The following TG variants were observed in gnomAD, a reference collection of about 807,000 sequenced individuals.
The protein encoded by TG is thyroid hormones.
Under a neutral mutation model 324.7 loss-of-function variants are expected in TG, and 270 were observed. The ratio of observed to expected loss-of-function variants is 0.83; its 90% CI spans 0.75 to 0.92. The LOEUF (loss-of-function observed/expected upper bound fraction) is 0.92. TG is among the 40% of genes least tolerant of loss of function. The pLI, the probability that TG is intolerant of heterozygous loss-of-function variation, is 0.00. For synonymous variants in TG, 1,401 were observed against 1,327.0 expected (o/e 1.06, Z -1.21); for missense variants, 3,591 against 3,456.4 (o/e 1.04, Z -0.98).
chr8:133,006,434 T>C (rs904236984), intron 35 of TG, among the ~76,000 whole-genome samples: 1 of 152,270 alleles, frequency 6.6e-6, no homozygotes, highest in Admixed American at 6.5e-5. Flanking sequence ...AATCTGATGC[T>C]CACCCAAGTT....
intron 41 of TG, among the ~76,000 whole-genome samples, chr8:133,091,634 G>A (rs191095993): frequency 1.7e-4 from 26 of 152,164 alleles, no homozygotes; most frequent in Non-Finnish European, 3.4e-4. Flanking sequence ...GTGTCTATGT[G>A]TGTGTATCTT....
intron 11 of TG, among the ~76,000 whole-genome samples, chr8:132,896,894 C>T (rs553267723): frequency 6.6e-6 from 1 of 152,104 alleles, no homozygotes; most frequent in Non-Finnish European, 1.5e-5. Flanking sequence ...TGTGCAAAGC[C>T]CAGTGGGTCG....
In TG at chr8:133,134,692, G is replaced by A; in HGVS notation, c.8205G>A (p.Gly2735=). The change falls in exon 48 of 48, where the codon GGG becomes GGA. Residue 2735 remains glycine, a synonymous_variant. Transcript: ENST00000220616. ...CTGTTTCAGATGGAGCCAAGGGCGG[G>A]CAGTCAGCAGAGAGTGAAGAGGAGG... ...LKTSADGAKG[G]QSAESEEEEL... is the part of the protein sequence containing the mutation. 3.7e-6 allele frequency: 6 copies of A among 1,614,026 alleles called. No individual in the cohort carries two copies. The highest frequency in any genetic ancestry group is 4.2e-6 in the Non-Finnish European group (5 of 1,179,924).
At chr8:133,084,786 G>C (rs1846275639) in intron 41 of TG, among the ~76,000 whole-genome samples, 1 of 152,256 alleles carries the variant, frequency 6.6e-6, no homozygotes. Flanking sequence ...TCCACACTGT[G>C]CCTCCACAGG....
At chr8:133,134,653 C>A in intron 47 of TG, 23 bp from the exon 48 acceptor site, 2 of 1,608,710 alleles carry the variant, frequency 1.2e-6, no homozygotes, top group Non-Finnish European at 8.5e-7. Context: ...CTTGGACCAA[C>A]CTTCCTTGCC....
Position 133,077,764 on chromosome 8 carries a change from TGTTTGTA to T in TG, c.7240-17279_7240-17273del, listed in dbSNP as rs1335151222. Among the ~76,000 whole-genome samples the T allele has an allele frequency of 1.0e-4, 15 of 148,704 alleles. 1 individual carries two copies. The South Asian group carries it at 3.0e-3, about 30-fold the overall frequency. On this transcript the variant is annotated intron_variant, in intron 41 of 47. Coordinates refer to ENST00000220616, the MANE Select transcript of TG (RefSeq NM_003235.5). ...GTGTGTGTGTGTGTGTGTGTGTGTG[TGTTTGTA>T]TGTGTGTGTGTGCGGCAGAGTTGCA...
chr8:132,896,920 G>A (rs964288333), intron 11 of TG, among the ~76,000 whole-genome samples: 1 of 152,204 alleles, frequency 6.6e-6, no homozygotes, highest in Admixed American at 6.5e-5. Flanking sequence ...TGCAAGAGCT[G>A]AGGACAGATG....
rs1434370744 is a variant in TG, at chr8:133,047,873, T to C, written c.7239+17850T>C. ...CTCTGATCATGAAGGAGCCGACCTT[T>C]GTGTCTGGCAGCTGCAGCAGCTCCT... is the stretch of plus-strand genomic sequence containing the variant. On this transcript the variant is annotated intron_variant, in intron 41 of 47. Coordinates refer to ENST00000220616, the MANE Select transcript of TG (RefSeq NM_003235.5). 5 of 1,612,668 alleles carry C rather than the reference T, an allele frequency of 3.1e-6. No homozygotes were observed. In the African/African-American group the frequency reaches 5.3e-5, roughly 17 times the overall value.
chr8:132,949,055 A>T (rs1375139979), intron 27 of TG, 112 bp downstream of exon 27: 7 of 70,252 alleles, frequency 1.0e-4, no homozygotes, highest in Non-Finnish European at 1.7e-4. Context: ...TATACTTCTG[A>T]AAAAAAAAAA....
Position 133,133,520 on chromosome 8 carries a change from C to T in TG, c.8048C>T (p.Thr2683Ile). ...EFSRKVPTFA[T>I]PWPDFVPRAG... is the part of the protein sequence containing the mutation. ...TCACGGAAAGTACCCACATTTGCAA[C>T]CCCCTGGCCTGACTTTGTACCCCGT... The change falls in exon 47 of 48, where the codon ACC (threonine) becomes ATC (isoleucine). Residue 2683 changes from threonine to isoleucine, a missense_variant. Thr to Ile is a moderately conservative substitution (Grantham distance 89, BLOSUM62 -1). Transcript: ENST00000220616. The T allele has an allele frequency of 6.2e-7, 1 of 1,614,210 alleles. No homozygotes were observed. The highest frequency in any genetic ancestry group is 8.5e-7 in the Non-Finnish European group (1 of 1,180,032).
chr8:132,969,393 G>C, intron 31 of TG, 65 bp from the exon 32 acceptor site: 2 of 1,117,898 alleles, frequency 1.8e-6, no homozygotes. Context: ...TTACTCATTT[G>C]TCCTCATATT....
intron 35 of TG, among the ~76,000 whole-genome samples, chr8:132,998,896 C>G (rs1833155359): frequency 6.6e-6 from 1 of 152,112 alleles, no homozygotes; most frequent in African/African-American, 2.4e-5. Context: ...CTTCTACTCT[C>G]CCTAAGATGA....
intron 11 of TG, among the ~76,000 whole-genome samples, chr8:132,894,461 CTT>C (rs879482195): frequency 9.1e-5 from 13 of 142,418 alleles, no homozygotes; most frequent in Non-Finnish European, 1.2e-4. Context: ...GAACAGTATG[CTT>C]TTTTTTTTTT....
At chr8:133,012,629 T>C (rs902987263) in intron 36 of TG, among the ~76,000 whole-genome samples, 2 of 152,222 alleles carry the variant, frequency 1.3e-5, no homozygotes, top group African/African-American at 4.8e-5. Flanking sequence ...ATAACATTTA[T>C]ACCCTTGCCA....
chr8:132,898,599 A>G (rs1480503651), intron 13 of TG, among the ~76,000 whole-genome samples, 199 bp from the exon 14 acceptor site: 1 of 152,210 alleles, frequency 6.6e-6, no homozygotes, highest in Non-Finnish European at 1.5e-5. Flanking sequence ...AGGCTCAGCC[A>G]TGTGTAATCC....
intron 43 of TG, among the ~76,000 whole-genome samples, chr8:133,105,480 G>T (rs574319096): frequency 6.6e-6 from 1 of 152,288 alleles, no homozygotes; most frequent in African/African-American, 2.4e-5. Context: ...TTGAGGGCTG[G>T]TCTTAGTCAC....
At chr8:133,006,962 A>T (rs1203157239) in intron 35 of TG, among the ~76,000 whole-genome samples, 1 of 152,186 alleles carries the variant, frequency 6.6e-6, no homozygotes, top group Non-Finnish European at 1.5e-5. Flanking sequence ...GGCACGTTTT[A>T]AGGTTTCACA....
intron 41 of TG, chr8:133,037,173 C>G (rs1242504763): frequency 6.6e-6 from 1 of 152,188 alleles, no homozygotes; most frequent in African/African-American, 2.4e-5. Context: ...CCCCAGGATC[C>G]CTTTGAAACA....
chr8:132,949,046 A>T, intron 27 of TG, 103 bp downstream of exon 27: 3 of 995,310 alleles, frequency 3.0e-6, no homozygotes, highest in Non-Finnish European at 2.9e-6. Context: ...TGAGGAGCTT[A>T]TACTTCTGAA....
Sources: gnomAD v4.1 joint callset for allele counts (sites outside exome capture counted in the v4.1 genomes callset) on GRCh38, gnomAD v4.1.1 for gene constraint, MANE v1.5 for transcripts, NCBI Gene and HGNC (gene_info 2026-07-23, HGNC 2026-07-21) for gene names.